Variants in RHOBTB3 observed in about 807,000 individuals in gnomAD.
RHOBTB3 encodes the protein Rho related BTB domain containing 3.
Under a neutral mutation model 67.2 loss-of-function variants are expected in RHOBTB3, and 47 were observed. The observed-to-expected ratio is 0.70, with a 90% CI of 0.55 to 0.89. The LOEUF is 0.89. Among genes scored for constraint, RHOBTB3 ranks in the 40% least tolerant of loss-of-function variants. RHOBTB3 has a pLI of 0.00. For missense variants in RHOBTB3, 631 were observed against 750.0 expected (o/e 0.84, Z 1.85); for synonymous variants, 273 against 274.2 (o/e 1.00, Z 0.04).
chr5:95,769,580 A>T (rs1029852368), intron 8 of RHOBTB3: 1 of 172,962 alleles, frequency 5.8e-6, no homozygotes, highest in Non-Finnish European at 1.2e-5. Flanking sequence ...AAGGGTTGTC[A>T]TCACAGTAAA....
intron 6 of RHOBTB3, among the ~76,000 whole-genome samples, chr5:95,757,786 A>G (rs1301521739): frequency 1.3e-5 from 2 of 152,182 alleles, no homozygotes; most frequent in Non-Finnish European, 2.9e-5. Flanking sequence ...ATTGCCTTCA[A>G]CGGGTTCTCT....
intron 8 of RHOBTB3, among the ~76,000 whole-genome samples, chr5:95,771,853 A>G (rs1442061168): frequency 6.6e-6 from 1 of 152,242 alleles, no homozygotes; most frequent in Non-Finnish European, 1.5e-5. Context: ...ATTTTGTACA[A>G]TCATCTAAGA....
chr5:95,747,228 A>G (rs763137607), intron 3 of RHOBTB3, among the ~76,000 whole-genome samples: 27 of 152,332 alleles, frequency 1.8e-4, no homozygotes, highest in Middle Eastern at 6.8e-3. Context: ...CAAATGAGGA[A>G]CAACTCTAAA....
chr5:95,775,135 G>A, intron 8 of RHOBTB3, among the ~76,000 whole-genome samples: 1 of 151,846 alleles, frequency 6.6e-6, no homozygotes, highest in East Asian at 1.9e-4. Context: ...TCATAACTGT[G>A]GCTCTATTTA....
intron 1 of RHOBTB3, among the ~76,000 whole-genome samples, chr5:95,725,484 A>G (rs1184364198): frequency 6.6e-6 from 1 of 152,282 alleles, no homozygotes; most frequent in Non-Finnish European, 1.5e-5. Context: ...TCATGTGTGC[A>G]CACACACAAG....
chr5:95,790,877 TTAAAAA>T (rs112249403), intron 11 of RHOBTB3, among the ~76,000 whole-genome samples: 3,648 of 152,350 alleles, frequency 0.024, 53 homozygotes, highest in Middle Eastern at 0.037. Context: ...GTACTGGTAT[TTAAAAA>T]TAACCATATT....
At chr5:95,743,774 A>G (rs1321969245) in intron 3 of RHOBTB3, among the ~76,000 whole-genome samples, 1 of 135,212 alleles carries the variant, frequency 7.4e-6, no homozygotes, top group Non-Finnish European at 1.5e-5. Context: ...GCAGTGGCAC[A>G]GTCTCAGCTC....
chr5:95,748,171 T>C (rs1023993089), intron 3 of RHOBTB3, among the ~76,000 whole-genome samples, 162 bp from the exon 4 acceptor site: 1 of 152,268 alleles, frequency 6.6e-6, no homozygotes, highest in Non-Finnish European at 1.5e-5. Flanking sequence ...TAGGGAGTCA[T>C]TGACACTTTG....
chr5:95,725,124 T>C (rs1755016286), intron 1 of RHOBTB3, among the ~76,000 whole-genome samples: 1 of 152,196 alleles, frequency 6.6e-6, no homozygotes, highest in Non-Finnish European at 1.5e-5. Context: ...TTGTTTATAA[T>C]AGGCAAAAAC....
chr5:95,730,530 T>A (rs920666095), upstream of RHOBTB3, among the ~76,000 whole-genome samples: 1 of 152,230 alleles, frequency 6.6e-6, no homozygotes, highest in Non-Finnish European at 1.5e-5. Context: ...TCTTTGCATT[T>A]ACGTGATTAT....
At chr5:95,781,063 C>G (rs889107543) in intron 9 of RHOBTB3, among the ~76,000 whole-genome samples, 20 of 152,340 alleles carry the variant, frequency 1.3e-4, no homozygotes, top group African/African-American at 4.8e-4. Context: ...AACCAAACAT[C>G]TGTGACAGCT....
intron 7 of RHOBTB3, among the ~76,000 whole-genome samples, chr5:95,764,133 A>C (rs1052826035): frequency 2.0e-5 from 3 of 152,190 alleles, no homozygotes; most frequent in African/African-American, 7.2e-5. Context: ...TAATTTATGT[A>C]AGAATTAAAA....
intron 8 of RHOBTB3, among the ~76,000 whole-genome samples, chr5:95,776,793 G>A (rs1188329829): frequency 1.3e-5 from 2 of 152,186 alleles, no homozygotes; most frequent in Non-Finnish European, 2.9e-5. Flanking sequence ...TTCCGACTTT[G>A]TGATGTGGTC....
rs1478816910 is a variant in RHOBTB3 at position 95,731,543 on chromosome 5, G to A, written c.-140G>A. ...GCGGCCCCGGCCCCGCTCTGCGTCG[G>A]CCCCGCCGCGGTGGAGGCGCGCGAG... On this transcript the variant is annotated 5_prime_UTR_variant, in exon 1 of 12. Coordinates refer to ENST00000379982, the MANE Select transcript of RHOBTB3 (RefSeq NM_014899.4). The A allele has an allele frequency of 9.8e-6, 14 of 1,427,664 alleles. No individual in the cohort carries two copies. The highest frequency in any genetic ancestry group is 1.2e-5 in the Non-Finnish European group (13 of 1,092,970). The allele number at this position is 1,427,664 out of a possible 1,614,324, so 88.4% of individuals were successfully genotyped here.
rs1311168555 is a variant in RHOBTB3, at chr5:95,731,518, G to GCGGCCC, written c.-156_-151dup. 8 of 1,261,022 alleles carry GCGGCCC rather than the reference G, an allele frequency of 6.3e-6. No homozygotes were observed. The highest frequency in any genetic ancestry group is 2.8e-4 in the Middle Eastern group (1 of 3,592). 78.1% of individuals were successfully genotyped at this position (1,261,022 alleles called of 1,614,324 possible). A position where few individuals can be genotyped will look rare whatever the true frequency, so the allele number is the denominator to read the frequency against. On this transcript the variant is annotated 5_prime_UTR_variant, in exon 1 of 12. Transcript: ENST00000379982. Reference sequence around the variant, plus strand: ...GTCCCCGGCTCGCTCGCTGGCTGGCGCGGCCCCGGCCCCGCTCTGCGTCGG... The same window carrying GCGGCCC: ...GTCCCCGGCTCGCTCGCTGGCTGGCGCGGCCCCGGCCCCGGCCCCGCTCTGCGTCGG...
At chr5:95,741,328 AAAAAAAAAAAAGAAAAG>A (rs1387521206) in intron 3 of RHOBTB3, among the ~76,000 whole-genome samples, 21 of 145,292 alleles carry the variant, frequency 1.4e-4, no homozygotes, top group African/African-American at 5.4e-4. Flanking sequence ...ACTCTGACTA[AAAAAAAAAAAAGAAAAG>A]AAAAAAAAAA....
At chr5:95,774,630 C>T (rs1745814117) in intron 8 of RHOBTB3, among the ~76,000 whole-genome samples, 1 of 152,140 alleles carries the variant, frequency 6.6e-6, no homozygotes, top group Non-Finnish European at 1.5e-5. Context: ...ATCTGTAAGA[C>T]ATCATAAATG....
At chr5:95,774,888 GT>G (rs1745821704) in intron 8 of RHOBTB3, among the ~76,000 whole-genome samples, 1 of 152,022 alleles carries the variant, frequency 6.6e-6, no homozygotes, top group Non-Finnish European at 1.5e-5. Context: ...TGAGACATTT[GT>G]ATTACATATA....
At chr5:95,732,111 G>A (rs758888830) in intron 2 of RHOBTB3, 27 bp downstream of exon 2, 4 of 1,601,670 alleles carry the variant, frequency 2.5e-6, no homozygotes, top group Non-Finnish European at 3.4e-6. Context: ...GCTCCGCGCT[G>A]AGGCTGAAGA....
Sources: allele counts gnomAD v4.1 joint callset (sites outside exome capture counted in the v4.1 genomes callset), GRCh38; gene constraint gnomAD v4.1.1; transcripts MANE v1.5; gene names NCBI Gene and HGNC (gene_info 2026-07-23, HGNC 2026-07-21).